Variants in COIL observed in about 807,000 individuals in gnomAD.
COIL encodes coilin.
Under a neutral mutation model 51.6 loss-of-function variants are expected in COIL, and 28 were observed. That is an observed-to-expected ratio of 0.54 (90% CI 0.40 to 0.74). The LOEUF is 0.74. COIL is among the 30% of genes least tolerant of loss of function. COIL has a pLI of 0.00. For synonymous variants in COIL, 233 were observed against 255.8 expected (o/e 0.91, Z 0.85); for missense variants, 667 against 685.9 (o/e 0.97, Z 0.31).
rs1462802086 is a variant in COIL, at chr17:56,960,851, G to T, written c.169C>A (p.Leu57Ile). The T allele has an allele frequency of 6.2e-7, 1 of 1,612,320 alleles. No individual in the cohort carries two copies. Among genetic ancestry groups the T allele is most frequent in the Non-Finnish European group, 8.5e-7 (1 of 1,179,238 alleles). Reference protein sequence around the residue: ...QRFGFSSGAFLGLYLEGGLLP... With the variant: ...QRFGFSSGAFIGLYLEGGLLP... ...AGCCCCCCCTCCAGGTAGAGGCCTA[G>T]GAAGGCCCCAGAACTGAAGCCGAAG... is the stretch of plus-strand genomic sequence containing the variant. Residue 57 changes from leucine (L) to isoleucine (I), a missense_variant, in exon 1 of 7, where the codon CTA (leucine) becomes ATA (isoleucine). Transcript: ENST00000240316.
chr17:56,959,615 G>A lies in COIL; in HGVS notation c.245+1160C>T, dbSNP rs554721800. Among the ~76,000 whole-genome samples the A allele has an allele frequency of 9.1e-4, 138 of 152,228 alleles. 1 individual carries two copies. Among genetic ancestry groups the A allele is most frequent in the Middle Eastern group, 6.8e-3 (2 of 294 alleles). ...GTCTGGGTGAGACACAAAATGATAC[G>A]CCACCAGAAGTCTCAGGGGACACTG... On this transcript the variant is annotated intron_variant, in intron 1 of 6. Coordinates refer to ENST00000240316, the MANE Select transcript of COIL (RefSeq NM_004645.3).
At chr17:56,940,831 G>C (rs1230374426) in intron 6 of COIL, among the ~76,000 whole-genome samples, 1 of 152,114 alleles carries the variant, frequency 6.6e-6, no homozygotes, top group Non-Finnish European at 1.5e-5. Context: ...GGTAGGTCTG[G>C]CTGCTTAAAA....
intron 6 of COIL, among the ~76,000 whole-genome samples, chr17:56,939,708 C>A (rs956188495): frequency 1.3e-5 from 2 of 152,028 alleles, no homozygotes; most frequent in African/African-American, 4.8e-5. Flanking sequence ...CCACTGCACT[C>A]CAGCCTGGGT....
chr17:56,949,499 C>G (rs1910312998), intron 3 of COIL, 65 bp from the exon 4 acceptor site: 2 of 1,530,900 alleles, frequency 1.3e-6, no homozygotes, highest in African/African-American at 2.8e-5. Flanking sequence ...CCCACAGCTC[C>G]TCCATCATGC....
chr17:56,949,050 G>A (rs967075988), intron 4 of COIL, among the ~76,000 whole-genome samples: 1 of 152,130 alleles, frequency 6.6e-6, no homozygotes, highest in Non-Finnish European at 1.5e-5. Flanking sequence ...AAGATGGGGG[G>A]ATTGCTTGAG....
In COIL at chr17:56,939,031, A is replaced by C. The variant is rs200015896; in HGVS notation, c.*40T>G. On this transcript the variant is annotated 3_prime_UTR_variant, in exon 7 of 7. Transcript: ENST00000240316. ...AAGTTTGGGTTATAGTCACTTTCAC[A>C]AACAAGACATTCATAAACTATAAGG... 588 of 1,188,312 alleles carry C rather than the reference A, an allele frequency of 4.9e-4. 3 individuals are homozygous for C. In the African/African-American group the frequency reaches 8.4e-3, roughly 17 times the overall value. 73.6% of individuals were successfully genotyped at this position (1,188,312 alleles called of 1,614,324 possible).
intron 5 of COIL, 67 bp downstream of exon 5, chr17:56,946,375 A>T: frequency 9.1e-7 from 1 of 1,093,340 alleles, no homozygotes; most frequent in Non-Finnish European, 1.4e-6. Flanking sequence ...TCTCCTGTGT[A>T]TAAAAGCTAT....
Position 56,950,187 on chromosome 17 carries a change from C to A in COIL, c.1055G>T (p.Arg352Leu), listed in dbSNP as rs140691052. 327 of 1,613,956 alleles carry A rather than the reference C, an allele frequency of 2.0e-4. No homozygotes were observed. The Middle Eastern group carries it at 2.2e-3, about 11-fold the overall frequency. Residue 352 changes from arginine (R) to leucine (L), a missense_variant, in exon 2 of 7, where the codon CGT becomes CTT. Coordinates refer to ENST00000240316, the MANE Select transcript of COIL (RefSeq NM_004645.3). ...CTGTGATGACAGCCCTGGGCCTGGA[C>A]GACCTCTTCCTGCAAAAAGGCCTAC... ...KTVGLFAGRG[R>L]PGPGLSSQTA... is the part of the protein sequence containing the mutation.
In COIL at chr17:56,950,678, C is replaced by G; in HGVS notation, c.564G>C (p.Lys188Asn). ...EEAKRKSPKKKEKCEYKKKAK... is the reference protein window; with the variant it reads ...EEAKRKSPKKNEKCEYKKKAK... ...CCTTTTTTTTATATTCACATTTCTC[C>G]TTTTTCTTTGGTGATTTTCTTTTGG... Residue 188 changes from lysine to asparagine, a missense_variant, in exon 2 of 7, where the codon AAG (lysine) becomes AAC (asparagine). Lys to Asn is a moderately conservative substitution (Grantham distance 94, BLOSUM62 0). Transcript: ENST00000240316. 1 of 1,610,102 alleles carries G rather than the reference C, an allele frequency of 6.2e-7. No individual in the cohort carries two copies. The highest frequency in any genetic ancestry group is 8.5e-7 in the Non-Finnish European group (1 of 1,179,128).
chr17:56,956,228 G>A (rs2034891038), intron 1 of COIL, among the ~76,000 whole-genome samples: 2 of 152,110 alleles, frequency 1.3e-5, no homozygotes, highest in South Asian at 4.1e-4. Context: ...TATGAAATGA[G>A]AACTCGTCTC....
intron 5 of COIL, among the ~76,000 whole-genome samples, chr17:56,944,120 G>A (rs953827594): frequency 6.6e-6 from 1 of 151,458 alleles, no homozygotes; most frequent in Non-Finnish European, 1.5e-5. Context: ...TCCCACCTTC[G>A]CCCCCGAAGC....
intron 6 of COIL, 91 bp from the exon 7 acceptor site, chr17:56,939,245 A>G: frequency 1.4e-6 from 1 of 730,830 alleles, no homozygotes. Context: ...TCTGTGTAGA[A>G]TGATTGAAGA....
At chr17:56,944,347 C>A (rs570162412) in intron 5 of COIL, among the ~76,000 whole-genome samples, 1 of 152,234 alleles carries the variant, frequency 6.6e-6, no homozygotes, top group East Asian at 1.9e-4. Context: ...AATCCCAGCA[C>A]TTTGGGAGGC....
At chr17:56,955,739 T>C (rs547970313) in intron 1 of COIL, among the ~76,000 whole-genome samples, 20 of 152,326 alleles carry the variant, frequency 1.3e-4, no homozygotes, top group Admixed American at 1.0e-3. Context: ...ATGTTGTTAG[T>C]CCTATCATGG....
intron 1 of COIL, among the ~76,000 whole-genome samples, chr17:56,955,923 C>T (rs1267057242): frequency 1.3e-5 from 2 of 152,140 alleles, no homozygotes; most frequent in African/African-American, 4.8e-5. Context: ...AGAATATTCA[C>T]TAAAGCACTA....
Position 56,944,734 on chromosome 17 carries a change from A to C in COIL, c.1558+1708T>G, listed in dbSNP as rs147779906. Among the ~76,000 whole-genome samples, 749 of 151,872 alleles carry C rather than the reference A, an allele frequency of 4.9e-3. 9 individuals are homozygous for C. The highest frequency in any genetic ancestry group is 0.018 in the African/African-American group (728 of 41,428). On this transcript the variant is annotated intron_variant, in intron 5 of 6. Coordinates refer to ENST00000240316, the MANE Select transcript of COIL (RefSeq NM_004645.3). ...CAATCCCTTATCTAAAAATAAACAG[A>C]AGGCCAGGTGCGGTGGTTCATGCCT... is the stretch of plus-strand genomic sequence containing the variant.
intron 1 of COIL, chr17:56,951,963 G>A (rs1430379813): frequency 2.7e-5 from 5 of 182,526 alleles, no homozygotes; most frequent in Admixed American, 1.9e-4. Context: ...ACTATGCCTC[G>A]CTAATTTTTG....
intron 1 of COIL, among the ~76,000 whole-genome samples, chr17:56,956,770 T>G (rs1910492059): frequency 6.7e-6 from 1 of 148,626 alleles, no homozygotes; most frequent in Admixed American, 6.7e-5. Flanking sequence ...TTTGTTGTAT[T>G]TTTCTGTAGA....
At chr17:56,959,049 G>A (rs931255138) in intron 1 of COIL, among the ~76,000 whole-genome samples, 6 of 152,064 alleles carry the variant, frequency 3.9e-5, no homozygotes, top group African/African-American at 1.4e-4. Flanking sequence ...AGCTTAAAGG[G>A]GGTGGGGGAA....
Sources: gnomAD v4.1 joint callset for allele counts (sites outside exome capture counted in the v4.1 genomes callset) on GRCh38, gnomAD v4.1.1 for gene constraint, MANE v1.5 for transcripts, NCBI Gene and HGNC (gene_info 2026-07-23, HGNC 2026-07-21) for gene names.